Variants in GOT1 observed in about 807,000 individuals in gnomAD.
GOT1 encodes glutamic-oxaloacetic transaminase 1, also known as aspartate aminotransferase, cytoplasmic.
In GOT1, 25 loss-of-function variants were observed where a neutral mutation model predicts 48.2. The ratio of observed to expected loss-of-function variants is 0.52; its 90% CI spans 0.38 to 0.72. GOT1 has a LOEUF of 0.72. Among genes scored for constraint, GOT1 ranks in the 30% least tolerant of loss-of-function variants. The pLI is 0.00. For synonymous variants in GOT1, 188 were observed against 193.8 expected, an observed-to-expected ratio of 0.97 and a Z score of 0.25; for missense variants, 380 against 520.1, an observed-to-expected ratio of 0.73 and a Z score of 2.62.
rs1295442933 is a variant in GOT1, at chr10:99,403,646, G to A, written c.794-12C>T. On this transcript the variant is annotated splice_polypyrimidine_tract_variant and intron_variant, in intron 6 of 8. Coordinates refer to ENST00000370508, the MANE Select transcript of GOT1 (RefSeq NM_002079.3). The stretch of plus-strand genomic sequence containing the variant: ...CCCGACTCTCTCATCTAAAGAGAGG[G>A]ACCAGAATCAGCTGTGGCTGCTGAA... 1.2e-5 allele frequency: 20 copies of A among 1,614,008 alleles called. No homozygotes were observed. Among genetic ancestry groups the A allele is most frequent in the Non-Finnish European group, 1.7e-5 (20 of 1,179,880 alleles).
At chr10:99,407,680 C>T (rs2032778946) in intron 2 of GOT1, among the ~76,000 whole-genome samples, 1 of 152,090 alleles carries the variant, frequency 6.6e-6, no homozygotes, top group South Asian at 2.1e-4. Context: ...GATCTGCCTG[C>T]CTTGGCCTCT....
At chr10:99,415,098 G>A (rs1369577216) in intron 2 of GOT1, among the ~76,000 whole-genome samples, 1 of 151,986 alleles carries the variant, frequency 6.6e-6, no homozygotes, top group African/African-American at 2.4e-5. Context: ...GATCAGAGCA[G>A]AACTGAAGGA....
chr10:99,412,696 C>A (rs4353208), intron 2 of GOT1, among the ~76,000 whole-genome samples: 69,935 of 151,768 alleles, frequency 0.46, 18,769 homozygotes, highest in Non-Finnish European at 0.6. Context: ...AGGCACCCCC[C>A]AGTAGGGGCA....
Position 99,420,611 on chromosome 10 carries a change from A to T in GOT1, c.300+13T>A. 1.3e-6 allele frequency: 2 copies of T among 1,592,384 alleles called. No individual in the cohort carries two copies. Among genetic ancestry groups the T allele is most frequent in the Non-Finnish European group, 1.7e-6 (2 of 1,166,672 alleles). On this transcript the variant is annotated intron_variant, in intron 2 of 8. Transcript: ENST00000370508. ...GTTTCTAAAGAGAAAATACATCCTT[A>T]CCCAAAACTTACCCGCTTCTCCTTG...
At chr10:99,406,278 A>G in intron 3 of GOT1, 29 bp from the exon 4 acceptor site, 1 of 1,494,700 alleles carries the variant, frequency 6.7e-7, no homozygotes, top group African/African-American at 1.4e-5. Context: ...AAAGTTAAGC[A>G]CTTTACAAAC....
intron 2 of GOT1, among the ~76,000 whole-genome samples, chr10:99,408,504 C>T (rs916764600): frequency 2.4e-4 from 37 of 152,102 alleles, no homozygotes; most frequent in African/African-American, 8.7e-4. Flanking sequence ...ATCACTTGAG[C>T]CCAGGAGTTT....
At chr10:99,426,844 G>A (rs907569867) in intron 1 of GOT1, among the ~76,000 whole-genome samples, 1 of 152,188 alleles carries the variant, frequency 6.6e-6, no homozygotes. Context: ...TATTCTAAAC[G>A]TGTCCAAAAT....
rs536308516 is a variant in GOT1 at position 99,416,262 on chromosome 10, A to G, written c.300+4362T>C. ...AGCAAAGTCTCAGGATACAAAATCAATGTGCAAAAATCACAAGCATTCTTA... is the reference window on the plus strand; with the variant it reads ...AGCAAAGTCTCAGGATACAAAATCAGTGTGCAAAAATCACAAGCATTCTTA... On this transcript the variant is annotated intron_variant, in intron 2 of 8. Transcript: ENST00000370508. Among the ~76,000 whole-genome samples, 54 of 152,330 alleles carry G rather than the reference A, an allele frequency of 3.5e-4. No individual in the cohort carries two copies. In the South Asian group the frequency reaches 0.011, roughly 30 times the overall value.
intron 2 of GOT1, among the ~76,000 whole-genome samples, chr10:99,415,236 G>A (rs984244795): frequency 6.6e-5 from 10 of 151,850 alleles, no homozygotes; most frequent in East Asian, 5.8e-4. Context: ...CCAAATAGAC[G>A]CAATAAAAAA....
At chr10:99,416,154 C>T (rs1426281102) in intron 2 of GOT1, among the ~76,000 whole-genome samples, 2 of 152,170 alleles carry the variant, frequency 1.3e-5, no homozygotes, top group African/African-American at 2.4e-5. Flanking sequence ...GTCAAATTGT[C>T]CCTGTTTGCA....
At chr10:99,406,467 A>C (rs193107922) in intron 3 of GOT1, among the ~76,000 whole-genome samples, 4 of 152,248 alleles carry the variant, frequency 2.6e-5, no homozygotes, top group East Asian at 1.9e-4. Context: ...TACTTCCTGC[A>C]TCTACATTCT....
intron 2 of GOT1, among the ~76,000 whole-genome samples, chr10:99,419,823 C>A (rs1055400487): frequency 3.3e-5 from 5 of 152,176 alleles, no homozygotes; most frequent in Admixed American, 2.0e-4. Context: ...AGCTCAAGTG[C>A]CATCTCCAGC....
In GOT1 at chr10:99,406,226, C is replaced by T. The variant is rs777225854; in HGVS notation, c.448G>A (p.Ala150Thr). 2.2e-5 allele frequency: 36 copies of T among 1,613,270 alleles called. No homozygotes were observed. The highest frequency in any genetic ancestry group is 2.0e-4 in the South Asian group (18 of 91,052). The change falls in exon 4 of 9, where the codon GCT becomes ACT. Residue 150 changes from alanine to threonine, a missense_variant. Ala to Thr is a moderately conservative substitution (Grantham distance 58). Transcript: ENST00000370508. ...GACCGAATGTCTTTAAAACCAGCAG[C>T]GGAAAACACAGCATTGTGATTCTCT... ...TWENHNAVFS[A>T]AGFKDIRSYR...
chr10:99,413,161 G>A (rs1329116953), intron 2 of GOT1, among the ~76,000 whole-genome samples: 6 of 152,120 alleles, frequency 3.9e-5, no homozygotes, highest in African/African-American at 1.4e-4. Context: ...GAGGAAGTTC[G>A]AACCCATCGC....
At chr10:99,420,833 G>C (rs749701249) in intron 1 of GOT1, 28 bp from the exon 2 acceptor site, 1 of 1,570,472 alleles carries the variant, frequency 6.4e-7, no homozygotes, top group Non-Finnish European at 8.7e-7. Context: ...GTTATACATA[G>C]TGGAGGCTCA....
At chr10:99,404,232 T>C (rs1289911127) in intron 5 of GOT1, among the ~76,000 whole-genome samples, 3 of 152,070 alleles carry the variant, frequency 2.0e-5, no homozygotes, top group East Asian at 3.9e-4. Context: ...TCCCCAGGGC[T>C]CCTCATGGGC....
chr10:99,416,594 T>C (rs997568452), intron 2 of GOT1, among the ~76,000 whole-genome samples: 14 of 152,292 alleles, frequency 9.2e-5, no homozygotes, highest in African/African-American at 3.1e-4. Context: ...AAAAACTACT[T>C]TAAAGTTCAT....
At chr10:99,399,312 C>T (rs12768505) in intron 8 of GOT1, among the ~76,000 whole-genome samples, 10,446 of 152,210 alleles carry the variant, frequency 0.069, 428 homozygotes, top group South Asian at 0.17. Context: ...CATAATATAA[C>T]AAGACCACCT....
chr10:99,405,029 CT>C (rs2032735592), intron 5 of GOT1, among the ~76,000 whole-genome samples: 1 of 152,186 alleles, frequency 6.6e-6, no homozygotes, highest in Non-Finnish European at 1.5e-5. Flanking sequence ...ATGTACCCCC[CT>C]ATAACACTGT....
Sources: gnomAD v4.1 joint callset for allele counts (sites outside exome capture counted in the v4.1 genomes callset) on GRCh38, gnomAD v4.1.1 for gene constraint, MANE v1.5 for transcripts, NCBI Gene and HGNC (gene_info 2026-07-23, HGNC 2026-07-21) for gene names.